The following KCNIP4 variants were observed in gnomAD, a reference collection of about 807,000 sequenced individuals.
KCNIP4 encodes potassium voltage-gated channel interacting protein 4, also known as Kv channel-interacting protein 4.
KCNIP4 carries 12 observed loss-of-function variants against 34.0 expected under a neutral mutation model. The observed-to-expected ratio is 0.35, with a 90% confidence interval of 0.23 to 0.57. The LOEUF (loss-of-function observed/expected upper bound fraction) is 0.57, where lower values mean the gene tolerates loss of function less well. Ranked by LOEUF, KCNIP4 falls within the 20% of genes least tolerant of loss-of-function variation. The probability of loss-of-function intolerance (pLI) is 0.83; values close to 1 mark genes in which losing one functional copy is unlikely to be tolerated. For missense variants in KCNIP4, 238 were observed against 311.7 expected (o/e 0.76, Z 1.78); for synonymous variants, 124 against 102.2 (o/e 1.21, Z -1.29).
intron 1 of KCNIP4, among the ~76,000 whole-genome samples, chr4:21,044,035 G>C (rs890000750): frequency 2.0e-5 from 3 of 152,096 alleles, no homozygotes; most frequent in Non-Finnish European, 4.4e-5. Context: ...TTCTACTCCA[G>C]GGTCCTGGAG....
intron 1 of KCNIP4, among the ~76,000 whole-genome samples, chr4:21,092,138 T>A (rs968828205): frequency 6.6e-6 from 1 of 152,150 alleles, no homozygotes; most frequent in African/African-American, 2.4e-5. Flanking sequence ...GATTTAATTA[T>A]CACACATTAC....
chr4:21,334,782 G>A (rs1716007511), intron 1 of KCNIP4, among the ~76,000 whole-genome samples: 1 of 151,972 alleles, frequency 6.6e-6, no homozygotes, highest in South Asian at 2.1e-4. Context: ...TCTTTTGTGT[G>A]TGACTTCTTT....
intron 1 of KCNIP4, among the ~76,000 whole-genome samples, chr4:21,236,243 TA>T (rs1167625093): frequency 6.6e-6 from 1 of 152,178 alleles, no homozygotes; most frequent in Non-Finnish European, 1.5e-5. Flanking sequence ...AAAGATCTTA[TA>T]AGAAGCAACC....
chr4:21,801,416 T>G (rs1453600100), intron 1 of KCNIP4, among the ~76,000 whole-genome samples: 1 of 151,636 alleles, frequency 6.6e-6, no homozygotes, highest in Non-Finnish European at 1.5e-5. Flanking sequence ...GGAAAGGGAG[T>G]TAGATTGGTG....
intron 1 of KCNIP4, among the ~76,000 whole-genome samples, chr4:20,954,548 G>C (rs931138762): frequency 6.6e-6 from 1 of 152,016 alleles, no homozygotes; most frequent in African/African-American, 2.4e-5. Context: ...ATCGATCAAG[G>C]TATAATGAAA....
intron 1 of KCNIP4, among the ~76,000 whole-genome samples, chr4:21,107,537 T>C (rs1454498443): frequency 6.7e-6 from 1 of 150,040 alleles, no homozygotes; most frequent in East Asian, 1.9e-4. Flanking sequence ...CACTGATGGG[T>C]CTTGACTCTT....
chr4:21,027,433 T>A (rs1457784591), intron 1 of KCNIP4, among the ~76,000 whole-genome samples: 1 of 151,568 alleles, frequency 6.6e-6, no homozygotes, highest in African/African-American at 2.4e-5. Context: ...GATACGGGGC[T>A]GAGGGAAAAA....
intron 1 of KCNIP4, among the ~76,000 whole-genome samples, chr4:21,014,876 A>T (rs1307772373): frequency 6.6e-6 from 1 of 152,222 alleles, no homozygotes; most frequent in Non-Finnish European, 1.5e-5. Flanking sequence ...CCATTGATGG[A>T]TGAAGGGATA....
chr4:21,474,271 T>C (rs548469373), intron 1 of KCNIP4, among the ~76,000 whole-genome samples: 1 of 152,310 alleles, frequency 6.6e-6, no homozygotes, highest in Admixed American at 6.5e-5. Flanking sequence ...TGTCAATTAC[T>C]CTAACTTTTC....
At chr4:21,285,353 C>T (rs2109185045) in intron 1 of KCNIP4, among the ~76,000 whole-genome samples, 1 of 152,204 alleles carries the variant, frequency 6.6e-6, no homozygotes, top group South Asian at 2.1e-4. Context: ...TCAGTTTGAA[C>T]AGTGTGCTAA....
chr4:21,419,319 T>G (rs1253618745), intron 1 of KCNIP4, among the ~76,000 whole-genome samples: 2 of 152,134 alleles, frequency 1.3e-5, no homozygotes, highest in Non-Finnish European at 2.9e-5. Context: ...TAGTGCATAT[T>G]CCTAACTTTC....
chr4:21,625,591 G>A (rs1432543764), intron 1 of KCNIP4, among the ~76,000 whole-genome samples: 1 of 152,144 alleles, frequency 6.6e-6, no homozygotes, highest in Non-Finnish European at 1.5e-5. Context: ...GCTACCCCAT[G>A]TGCAGAATGC....
chr4:21,694,943 A>AAAAAAAAAC (rs1560637409), intron 1 of KCNIP4, among the ~76,000 whole-genome samples: 12 of 45,402 alleles, frequency 2.6e-4, no homozygotes, highest in South Asian at 5.9e-4. Context: ...AAAATAAATA[A>AAAAAAAAAC]ATAAATAAAG....
intron 1 of KCNIP4, among the ~76,000 whole-genome samples, chr4:21,620,401 C>G (rs1406150836): frequency 1.3e-5 from 2 of 152,056 alleles, no homozygotes; most frequent in Non-Finnish European, 2.9e-5. Context: ...ACTCAGGAGG[C>G]TGAGATGGAA....
At chr4:20,745,914 T>C (rs1291685697) in intron 5 of KCNIP4, among the ~76,000 whole-genome samples, 1 of 152,164 alleles carries the variant, frequency 6.6e-6, no homozygotes, top group Admixed American at 6.6e-5. Flanking sequence ...CTGGCTTTGT[T>C]AGAAAAATTC....
rs573570261 is a variant in KCNIP4, at chr4:21,659,894, G to C, written c.61+288677C>G. On this transcript the variant is annotated intron_variant, in intron 1 of 8. Coordinates refer to ENST00000382152, the MANE Select transcript of KCNIP4 (RefSeq NM_025221.6). ...GGATGGACTTAAATACTTGAGGAGA[G>C]GACTCTAGCTAAAAGCACCAACAAG... 2.6e-5 allele frequency among the ~76,000 whole-genome samples: 4 copies of C among 152,236 alleles called. No homozygotes were observed. The South Asian group carries it at 8.3e-4, about 32-fold the overall frequency.
intron 1 of KCNIP4, among the ~76,000 whole-genome samples, chr4:21,203,042 C>G (rs569112542): frequency 1.1e-4 from 17 of 152,364 alleles, no homozygotes; most frequent in African/African-American, 3.4e-4. Context: ...ATAACGAATA[C>G]TTGGCTACTC....
chr4:21,466,916 T>C (rs1729997324), intron 1 of KCNIP4, among the ~76,000 whole-genome samples: 1 of 152,078 alleles, frequency 6.6e-6, no homozygotes. Flanking sequence ...TCAGTATCAT[T>C]GTATTTACCA....
chr4:21,481,241 T>G (rs961284671), intron 1 of KCNIP4, among the ~76,000 whole-genome samples: 2 of 152,166 alleles, frequency 1.3e-5, no homozygotes, highest in African/African-American at 4.8e-5. Context: ...GAAAAAGATA[T>G]GACCACAAGG....
Sources: allele counts gnomAD v4.1 joint callset (sites outside exome capture counted in the v4.1 genomes callset), GRCh38; gene constraint gnomAD v4.1.1; transcripts MANE v1.5; gene names NCBI Gene and HGNC (gene_info 2026-07-23, HGNC 2026-07-21).